BBS9: variants seen among roughly 807,000 people sequenced by gnomAD.
The protein encoded by BBS9 is Bardet-Biedl syndrome 9, also known as protein PTHB1.
Under a neutral mutation model 117.7 loss-of-function variants are expected in BBS9, and 89 were observed. The ratio of observed to expected loss-of-function variants is 0.76; its 90% CI spans 0.64 to 0.90. BBS9 has a LOEUF of 0.90. Ranked by LOEUF, BBS9 falls within the 40% of genes least tolerant of loss-of-function variation. The pLI, the probability that BBS9 is intolerant of heterozygous loss-of-function variation, is 0.00. For synonymous variants in BBS9, 379 were observed against 370.9 expected (o/e 1.02, Z -0.25); for missense variants, 982 against 1,042.2 (o/e 0.94, Z 0.80).
chr7:33,325,539 G>T (rs1812651957), intron 9 of BBS9, among the ~76,000 whole-genome samples: 1 of 152,158 alleles, frequency 6.6e-6, no homozygotes, highest in Non-Finnish European at 1.5e-5. Flanking sequence ...GGTGCTTGTG[G>T]ATATTCATCA....
chr7:33,353,586 T>C (rs997619876), intron 15 of BBS9, among the ~76,000 whole-genome samples: 1 of 152,096 alleles, frequency 6.6e-6, no homozygotes, highest in Non-Finnish European at 1.5e-5. Context: ...ACTACAAGTA[T>C]CTCTGATTAT....
chr7:33,175,955 A>G (rs1419964019), intron 4 of BBS9, among the ~76,000 whole-genome samples: 1 of 152,184 alleles, frequency 6.6e-6, no homozygotes, highest in African/African-American at 2.4e-5. Flanking sequence ...CACAGAAGGC[A>G]AGTTATGGGA....
chr7:33,525,361 C>T (rs2129048092), intron 20 of BBS9, among the ~76,000 whole-genome samples: 1 of 116,896 alleles, frequency 8.6e-6, no homozygotes, highest in East Asian at 2.5e-4. Context: ...TAAAGTCTCC[C>T]ATTATTAATG....
At chr7:33,313,514 A>G (rs1199991125) in intron 9 of BBS9, among the ~76,000 whole-genome samples, 1 of 152,176 alleles carries the variant, frequency 6.6e-6, no homozygotes, top group Non-Finnish European at 1.5e-5. Context: ...CTTTCTAGTA[A>G]GTCTAATAAG....
intron 5 of BBS9, among the ~76,000 whole-genome samples, chr7:33,238,465 AT>A (rs566214253): frequency 6.6e-6 from 1 of 151,276 alleles, no homozygotes; most frequent in Non-Finnish European, 1.5e-5. Context: ...TAATTTTTGT[AT>A]TTTTTTTAGT....
chr7:33,272,944 A>G (rs1421063783), intron 7 of BBS9, 68 bp from the exon 8 acceptor site: 9 of 1,447,078 alleles, frequency 6.2e-6, no homozygotes, highest in Non-Finnish European at 1.9e-6. Flanking sequence ...CTTAATTTAT[A>G]TTGATATGAA....
At chr7:33,337,216 G>T (rs1042791363) in intron 10 of BBS9, among the ~76,000 whole-genome samples, 1 of 151,974 alleles carries the variant, frequency 6.6e-6, no homozygotes, top group Non-Finnish European at 1.5e-5. Context: ...GACTCAAAAG[G>T]GTATAATTTT....
At chr7:33,350,882 T>A (rs1189841674) in intron 13 of BBS9, among the ~76,000 whole-genome samples, 4 of 152,206 alleles carry the variant, frequency 2.6e-5, no homozygotes, top group African/African-American at 9.6e-5. Flanking sequence ...TTAGTAAAGA[T>A]GTGGTTTTCT....
chr7:33,471,117 T>C (rs1840963717), intron 19 of BBS9, among the ~76,000 whole-genome samples: 3 of 152,168 alleles, frequency 2.0e-5, no homozygotes, highest in Admixed American at 6.5e-5. Context: ...CTTGGGTAAC[T>C]CTTGGTTGTT....
At chr7:33,207,197 TG>T (rs912299145) in intron 5 of BBS9, among the ~76,000 whole-genome samples, 3 of 152,210 alleles carry the variant, frequency 2.0e-5, no homozygotes, top group Non-Finnish European at 4.4e-5. Flanking sequence ...AATAAGGAAA[TG>T]TAAATATTTT....
intron 19 of BBS9, among the ~76,000 whole-genome samples, chr7:33,433,868 T>A (rs1834895788): frequency 6.6e-6 from 1 of 152,114 alleles, no homozygotes; most frequent in Non-Finnish European, 1.5e-5. Flanking sequence ...GGAAATAAAT[T>A]CATCTGTATT....
At chr7:33,609,253 A>G (rs1864744054), downstream of BBS9, among the ~76,000 whole-genome samples, 1 of 152,090 alleles carries the variant, frequency 6.6e-6, no homozygotes. Flanking sequence ...TTTATCATCA[A>G]AATCCTCATT....
intron 4 of BBS9, among the ~76,000 whole-genome samples, chr7:33,166,348 C>T (rs1795680560): frequency 6.6e-6 from 1 of 152,230 alleles, no homozygotes; most frequent in Non-Finnish European, 1.5e-5. Context: ...TGTCTGTTCT[C>T]AGAGCTAAAA....
chr7:33,438,461 C>T lies in BBS9; in HGVS notation c.2115+50317C>T, dbSNP rs183248949. 1.2e-4 allele frequency among the ~76,000 whole-genome samples: 19 copies of T among 152,202 alleles called. No homozygotes were observed. The East Asian group carries it at 3.1e-3, about 25-fold the overall frequency. Reference sequence around the variant, plus strand: ...AAGAATCCGACATAATTAAGAATAACGGGTCCAGTAGAAAAATTAGGCAAT... The same window carrying T: ...AAGAATCCGACATAATTAAGAATAATGGGTCCAGTAGAAAAATTAGGCAAT... On this transcript the variant is annotated intron_variant, in intron 19 of 22. Transcript: ENST00000242067.
At position 33,288,741 on chromosome 7, in the gene BBS9, A is replaced by T. The variant is rs182334663; in HGVS notation, c.1016+14785A>T. Among the ~76,000 whole-genome samples the T allele has an allele frequency of 3.9e-5, 6 of 152,350 alleles. No individual in the cohort carries two copies. The East Asian group carries it at 1.2e-3, about 29-fold the overall frequency. On this transcript the variant is annotated intron_variant, in intron 9 of 22. Transcript: ENST00000242067. ...GAGTAACATGTTATTTCCCAATAAC[A>T]CTGTTCTAAGAATTTATATGATGAT...
chr7:33,418,728 C>T (rs944147811), intron 19 of BBS9, among the ~76,000 whole-genome samples: 18 of 152,136 alleles, frequency 1.2e-4, no homozygotes, highest in Non-Finnish European at 2.5e-4. Flanking sequence ...GGTAACCCTG[C>T]AGGAGAAGCC....
intron 19 of BBS9, among the ~76,000 whole-genome samples, chr7:33,460,181 A>G (rs1432352237): frequency 1.3e-5 from 2 of 152,154 alleles, no homozygotes; most frequent in Admixed American, 1.3e-4. Context: ...AAATCTGCAT[A>G]ATGATGAACC....
chr7:33,399,701 T>C (rs76967461), intron 19 of BBS9, among the ~76,000 whole-genome samples: 4,357 of 152,262 alleles, frequency 0.029, 202 homozygotes, highest in African/African-American at 0.093. Context: ...TAGTGCCAGC[T>C]CCTAAACTGG....
chr7:33,376,892 T>C (rs1236822926), intron 17 of BBS9, among the ~76,000 whole-genome samples: 2 of 152,114 alleles, frequency 1.3e-5, no homozygotes, highest in African/African-American at 4.8e-5. Flanking sequence ...TTTAATGGGG[T>C]TGCTTTTTTT....
Sources: allele counts gnomAD v4.1 joint callset (sites outside exome capture counted in the v4.1 genomes callset), GRCh38; gene constraint gnomAD v4.1.1; transcripts MANE v1.5; gene names NCBI Gene and HGNC (gene_info 2026-07-23, HGNC 2026-07-21).